Variants in ARHGAP45 observed in about 807,000 individuals in gnomAD.
The protein encoded by ARHGAP45 is Rho GTPase activating protein 45, also known as rho GTPase-activating protein 45.
In ARHGAP45, 56 loss-of-function variants were observed where a neutral mutation model predicts 116.1. That is an observed-to-expected ratio of 0.48 (90% confidence interval 0.39 to 0.60). The LOEUF (loss-of-function observed/expected upper bound fraction) is 0.60. ARHGAP45 is among the 20% of genes least tolerant of loss of function. ARHGAP45 has a pLI of 0.00. For synonymous variants in ARHGAP45, 866 were observed against 701.7 expected (o/e 1.23, Z -3.70); for missense variants, 1,622 against 1,601.0 (o/e 1.01, Z -0.22).
intron 10 of ARHGAP45, among the ~76,000 whole-genome samples, chr19:1,075,614 T>G (rs71335293): frequency 0.014 from 2,124 of 151,932 alleles, 63 homozygotes; most frequent in Admixed American, 0.08. Flanking sequence ...CCTTTTTGTT[T>G]GTTTCTTTGC....
In ARHGAP45 at chr19:1,072,067, C is replaced by A. The variant is rs1165426928; in HGVS notation, c.422-1082C>A. Among the ~76,000 whole-genome samples, 10 of 149,662 alleles carry A rather than the reference C, an allele frequency of 6.7e-5. No homozygotes were observed. The Admixed American group carries it at 6.7e-4, about 10-fold the overall frequency. ...TTCCTTTTCTTTCTTTCTTTTCTTT[C>A]CTTTCTTTTTGGGATGGAGGAGTCT... On this transcript the variant is annotated intron_variant, in intron 2 of 22. Transcript: ENST00000313093.
rs1447845111 is a variant in ARHGAP45 at position 1,071,200 on chromosome 19, G to A, written c.422-1949G>A. 4 of 1,396,858 alleles carry A rather than the reference G, an allele frequency of 2.9e-6. No individual in the cohort carries two copies. Among genetic ancestry groups the A allele is most frequent in the Non-Finnish European group, 3.7e-6 (4 of 1,077,590 alleles). The allele number at this position is 1,396,858 out of a possible 1,614,324, so 86.5% of individuals were successfully genotyped here. A position where few individuals can be genotyped will look rare whatever the true frequency, so the allele number is the denominator to read the frequency against. On this transcript the variant is annotated intron_variant, in intron 2 of 22. Coordinates refer to ENST00000313093, the MANE Select transcript of ARHGAP45 (RefSeq NM_012292.5). This position sits in a 1 kb window ranked among gnomAD's most constrained non-coding sequence, Gnocchi z 4.6. ...CTCGCGGGGGCGGGGCCTCCTGACC[G>A]GCCGGAGCCGGTTTGGCCACCGGAG... is the stretch of plus-strand genomic sequence containing the variant.
At position 1,069,911 on chromosome 19, in the gene ARHGAP45, G is replaced by A. The variant is rs946411524; in HGVS notation, c.421+1167G>A. On this transcript the variant is annotated intron_variant, in intron 2 of 22. Coordinates refer to ENST00000313093, the MANE Select transcript of ARHGAP45 (RefSeq NM_012292.5). The surrounding 1 kb of genome is among the most constrained non-coding windows in gnomAD (Gnocchi z 4.1). ...GGCTCACTGTTACCTTGAACTCCTG[G>A]GCTCAAGCCATCCTCCTACCTCTGC... Among the ~76,000 whole-genome samples the A allele has an allele frequency of 6.6e-6, 1 of 151,576 alleles. No individual in the cohort carries two copies. The highest frequency in any genetic ancestry group is 1.5e-5 in the Non-Finnish European group (1 of 67,932).
intron 16 of ARHGAP45, 21 bp from the exon 17 acceptor site, chr19:1,080,871 G>T (rs2043413631): frequency 6.2e-7 from 1 of 1,605,330 alleles, no homozygotes; most frequent in Non-Finnish European, 8.5e-7. Context: ...TGGTGACACC[G>T]GCTGCCTGTG....
rs936036771 is a variant in ARHGAP45, at chr19:1,081,070, T to C, written c.2190+6T>C. 2 of 1,596,974 alleles carry C rather than the reference T, an allele frequency of 1.3e-6. No homozygotes were observed. Among genetic ancestry groups the C allele is most frequent in the Non-Finnish European group, 1.7e-6 (2 of 1,172,842 alleles). ...AGGGTGCTGAGTGTGAAGAGGTGAGTGGGACGCCCCGACGGACAGCTGGGA... is the reference window on the plus strand; with the variant it reads ...AGGGTGCTGAGTGTGAAGAGGTGAGCGGGACGCCCCGACGGACAGCTGGGA... On this transcript the variant is annotated splice_donor_region_variant and intron_variant, in intron 17 of 22. Transcript: ENST00000313093.
chr19:1,080,356 G>A lies in ARHGAP45; in HGVS notation c.1805G>A (p.Gly602Asp). The A allele has an allele frequency of 1.2e-6, 2 of 1,607,420 alleles. No homozygotes were observed. Among genetic ancestry groups the A allele is most frequent in the Non-Finnish European group, 8.5e-7 (1 of 1,178,758 alleles). The change falls in exon 14 of 23, where the codon GGC becomes GAC. Residue 602 changes from glycine to aspartate, a missense_variant. Transcript: ENST00000313093. Reference sequence around the variant, plus strand: ...CCAGAAGAAGGCGGGTGCACTGAGGGCACACCTGCCAAGGACCACAGGGGT... The same window carrying A: ...CCAGAAGAAGGCGGGTGCACTGAGGACACACCTGCCAAGGACCACAGGGGT... Reference protein sequence around the residue: ...SPPEEGGCTEGTPAKDHRAGR... With the variant: ...SPPEEGGCTEDTPAKDHRAGR...
chr19:1,071,343 C>T lies in ARHGAP45; in HGVS notation c.422-1806C>T. 2.2e-6 allele frequency: 3 copies of T among 1,357,570 alleles called. No homozygotes were observed. Among genetic ancestry groups the T allele is most frequent in the Middle Eastern group, 2.7e-4 (1 of 3,734 alleles). 84.1% of individuals were successfully genotyped at this position (1,357,570 alleles called of 1,614,324 possible). On this transcript the variant is annotated intron_variant, in intron 2 of 22. Transcript: ENST00000313093. This position sits in a 1 kb window ranked among gnomAD's most constrained non-coding sequence, Gnocchi z 4.6. Reference sequence around the variant, plus strand: ...GCTGGACGAGGGCCCCGTGCGCTGCCGGGCGGGCCCCCGAGGTGAGGGGAC... The same window carrying T: ...GCTGGACGAGGGCCCCGTGCGCTGCTGGGCGGGCCCCCGAGGTGAGGGGAC...
In ARHGAP45 at chr19:1,071,260, C is replaced by T. The variant is rs767549615; in HGVS notation, c.422-1889C>T. Reference sequence around the variant, plus strand: ...GGTCAGCTGCCAGGCCCCACGCGCTCGCGGTCTCCGCGCCCCGACGGCTGC... The same window carrying T: ...GGTCAGCTGCCAGGCCCCACGCGCTTGCGGTCTCCGCGCCCCGACGGCTGC... On this transcript the variant is annotated intron_variant, in intron 2 of 22. Coordinates refer to ENST00000313093, the MANE Select transcript of ARHGAP45 (RefSeq NM_012292.5). This position sits in a 1 kb window ranked among gnomAD's most constrained non-coding sequence, Gnocchi z 4.6. 6.8e-6 allele frequency: 10 copies of T among 1,480,428 alleles called. No individual in the cohort carries two copies. In the South Asian group the frequency reaches 1.2e-4, roughly 18 times the overall value. The allele number at this position is 1,480,428 out of a possible 1,614,324, so 91.7% of individuals were successfully genotyped here.
chr19:1,082,842 T>C lies in ARHGAP45; in HGVS notation c.2520T>C (p.Leu840=), dbSNP rs1353199976. ...TGCTGACCCTTGACTCTGCGCAGCT[T>C]CCCGAGCCGCTCATCTCCTTCCGCC... is the stretch of plus-strand genomic sequence containing the variant. ...SNVLKLYLRQ[L]PEPLISFRLY... Residue 840 remains leucine (L), a splice_region_variant and synonymous_variant, in exon 20 of 23, where the codon CTT becomes CTC. Transcript: ENST00000313093. The C allele has an allele frequency of 2.0e-6, 3 of 1,497,024 alleles. No individual in the cohort carries two copies. The highest frequency in any genetic ancestry group is 2.8e-5 in the African/African-American group (2 of 72,006). 92.7% of individuals were successfully genotyped at this position (1,497,024 alleles called of 1,614,324 possible). A position where few individuals can be genotyped will look rare whatever the true frequency, so the allele number is the denominator to read the frequency against.
At position 1,076,483 on chromosome 19, in the gene ARHGAP45, C is replaced by CTTTTTTTTT. The variant is rs71174343; in HGVS notation, c.1186-1352_1186-1344dup. ...GAAACCTGTGATTGTTGGCAGTAGTCTTTTTTTTTTTTTTTTTTTTTTTTT... is the reference window on the plus strand; with the variant it reads ...GAAACCTGTGATTGTTGGCAGTAGTCTTTTTTTTTTTTTTTTTTTTTTTTTTTTTTTTTT... On this transcript the variant is annotated intron_variant, in intron 10 of 22. Transcript: ENST00000313093. Among the ~76,000 whole-genome samples the CTTTTTTTTT allele has an allele frequency of 4.6e-4, 30 of 64,978 alleles. 7 individuals are homozygous for CTTTTTTTTT. The highest frequency in any genetic ancestry group is 1.5e-3 in the African/African-American group (25 of 16,962). The allele number at this position is 64,978 out of a possible 152,430, so 42.6% of individuals were successfully genotyped here.
At chr19:1,076,987 C>A (rs2043265123) in intron 10 of ARHGAP45, 1 of 981,224 alleles carries the variant, frequency 1.0e-6, no homozygotes, top group Admixed American at 6.2e-5. Flanking sequence ...CCTCGGCCTC[C>A]CAAAGCACTG....
In ARHGAP45 at chr19:1,084,157, G is replaced by A. The variant is rs1264941784; in HGVS notation, c.2956-81G>A. 6 of 1,315,434 alleles carry A rather than the reference G, an allele frequency of 4.6e-6. No homozygotes were observed. In the East Asian group the frequency reaches 9.2e-5, roughly 20 times the overall value. The allele number at this position is 1,315,434 out of a possible 1,614,324, so 81.5% of individuals were successfully genotyped here. ...ACAGCGGGTGTCAGTAGCTGTTACG[G>A]GCTGTGTGGGTGGGTTTGTTAATTT... On this transcript the variant is annotated intron_variant, in intron 21 of 22. Coordinates refer to ENST00000313093, the MANE Select transcript of ARHGAP45 (RefSeq NM_012292.5).
rs1238862974 is a variant in ARHGAP45, at chr19:1,074,154, G to A, written c.841G>A (p.Gly281Ser). The change falls in exon 7 of 23, where the codon GGC (glycine) becomes AGC (serine). Residue 281 changes from glycine to serine, a missense_variant. Physicochemically the swap from Gly to Ser is moderately conservative, Grantham distance 56. This residue lies in a region of ARHGAP45 where 1,334 missense variants were observed against 1,263.8 expected (regional missense o/e 1.06). Coordinates refer to ENST00000313093, the MANE Select transcript of ARHGAP45 (RefSeq NM_012292.5). ...VDVLLQRCEG[G>S]VDAALLYAKN... ...CGTGCTGCTACAGCGCTGTGAGGGG[G>A]GCGTGGATGCCGCACTGCTGTATGC... The A allele has an allele frequency of 6.2e-7, 1 of 1,613,442 alleles. No homozygotes were observed. Among genetic ancestry groups the A allele is most frequent in the Non-Finnish European group, 8.5e-7 (1 of 1,179,994 alleles).
chr19:1,083,222 C>T lies in ARHGAP45; in HGVS notation c.2824C>T (p.Arg942Trp), dbSNP rs1381360977. 8 of 1,609,252 alleles carry T rather than the reference C, an allele frequency of 5.0e-6. No homozygotes were observed. The African/African-American group carries it at 5.3e-5, about 11-fold the overall frequency. ...GTTCGGGCCCACGCTGCTTCGGCCA[C>T]GGCCCACCGAGGCCACCGTGTCCCT... ...IVFGPTLLRPRPTEATVSLSS... is the reference protein window; with the variant it reads ...IVFGPTLLRPWPTEATVSLSS... The change falls in exon 21 of 23, where the codon CGG becomes TGG. Residue 942 changes from arginine (R) to tryptophan (W), a missense_variant. This residue lies in a region of ARHGAP45 where 1,334 missense variants were observed against 1,263.8 expected (regional missense o/e 1.06). Transcript: ENST00000313093.
At chr19:1,066,257 G>T (rs4147938), upstream of ARHGAP45, 81 of 666,470 alleles carry the variant, frequency 1.2e-4, no homozygotes, top group East Asian at 2.0e-4. Flanking sequence ...ACTTGGGGAG[G>T]GGGGAGAGAG....
intron 21 of ARHGAP45, 54 bp from the exon 22 acceptor site, chr19:1,084,184 T>C: frequency 6.6e-7 from 1 of 1,525,470 alleles, no homozygotes; most frequent in East Asian, 2.2e-5. Flanking sequence ...TGTTAATTTA[T>C]AACATGGAAA....
rs780455203 is a variant in ARHGAP45, at chr19:1,073,180, C to T, written c.453C>T (p.His151=). Residue 151 remains histidine, a synonymous_variant, in exon 3 of 23, where the codon CAC becomes CAT. Coordinates refer to ENST00000313093, the MANE Select transcript of ARHGAP45 (RefSeq NM_012292.5). The part of the protein sequence containing the change: ...DLLEARRPRA[H]ECLGEALRVM... Reference sequence around the variant, plus strand: ...TTGAGGCCCGCCGCCCGCGGGCCCACGAGTGCCTGGGTGAGGCTCTGCGTG... The same window carrying T: ...TTGAGGCCCGCCGCCCGCGGGCCCATGAGTGCCTGGGTGAGGCTCTGCGTG... 17 of 1,611,226 alleles carry T rather than the reference C, an allele frequency of 1.1e-5. No homozygotes were observed. The Admixed American group carries it at 1.3e-4, about 13-fold the overall frequency.
rs71174343 is a variant in ARHGAP45 at position 1,076,483 on chromosome 19, C to CTTTTTTTTTT, written c.1186-1353_1186-1344dup. On this transcript the variant is annotated intron_variant, in intron 10 of 22. Coordinates refer to ENST00000313093, the MANE Select transcript of ARHGAP45 (RefSeq NM_012292.5). Reference sequence around the variant, plus strand: ...GAAACCTGTGATTGTTGGCAGTAGTCTTTTTTTTTTTTTTTTTTTTTTTTT... The same window carrying CTTTTTTTTTT: ...GAAACCTGTGATTGTTGGCAGTAGTCTTTTTTTTTTTTTTTTTTTTTTTTTTTTTTTTTTT... Among the ~76,000 whole-genome samples, 9 of 64,982 alleles carry CTTTTTTTTTT rather than the reference C, an allele frequency of 1.4e-4. 1 individual carries two copies. The highest frequency in any genetic ancestry group is 4.7e-4 in the African/African-American group (8 of 16,966). 42.6% of individuals were successfully genotyped at this position (64,982 alleles called of 152,430 possible). A position where few individuals can be genotyped will look rare whatever the true frequency, so the allele number is the denominator to read the frequency against.
At position 1,073,493 on chromosome 19, in the gene ARHGAP45, C is replaced by T. The variant is rs762868932; in HGVS notation, c.566-13C>T. ...AGTGGGCCCACCTCCTTGTCCTTAT[C>T]TCTGCTTCCCAGCCTTCCATTATGA... On this transcript the variant is annotated splice_polypyrimidine_tract_variant and intron_variant, in intron 3 of 22. Transcript: ENST00000313093. 4.3e-6 allele frequency: 7 copies of T among 1,613,238 alleles called. No individual in the cohort carries two copies. Among genetic ancestry groups the T allele is most frequent in the Non-Finnish European group, 5.1e-6 (6 of 1,179,418 alleles).
Sources: gnomAD v4.1 joint callset for allele counts (sites outside exome capture counted in the v4.1 genomes callset) on GRCh38, gnomAD v4.1.1 for gene constraint, gnomAD v4.1.1 regional missense constraint, Gnocchi (gnomAD v3.1) non-coding constraint, MANE v1.5 for transcripts, NCBI Gene and HGNC (gene_info 2026-07-23, HGNC 2026-07-21) for gene names.